The following KSR2 variants were observed in gnomAD, a reference collection of about 807,000 sequenced individuals.
KSR2 encodes the protein kinase suppressor of ras 2.
Under a neutral mutation model 107.8 loss-of-function variants are expected in KSR2, and 25 were observed. The observed-to-expected ratio is 0.23, with a 90% CI of 0.17 to 0.32. KSR2 has a LOEUF of 0.32. Ranked by LOEUF, KSR2 falls within the 10% of genes least tolerant of loss-of-function variation. The pLI is 1.00. For missense variants in KSR2, 887 were observed against 1,268.9 expected, an observed-to-expected ratio of 0.70 and a Z score of 4.57; for synonymous variants, 480 against 507.0, an observed-to-expected ratio of 0.95 and a Z score of 0.71.
intron 9 of KSR2, among the ~76,000 whole-genome samples, chr12:117,552,035 C>T (rs181529063): frequency 2.0e-5 from 3 of 152,274 alleles, no homozygotes; most frequent in East Asian, 1.9e-4. Context: ...AAGGGATGCA[C>T]AATTATTATA....
At chr12:117,552,711 G>A (rs1426735633) in intron 9 of KSR2, among the ~76,000 whole-genome samples, 1 of 152,210 alleles carries the variant, frequency 6.6e-6, no homozygotes, top group Non-Finnish European at 1.5e-5. Flanking sequence ...AATATTTTAG[G>A]CTTTGCAGGC....
At chr12:117,619,201 G>A (rs1882038213) in intron 5 of KSR2, among the ~76,000 whole-genome samples, 1 of 134,196 alleles carries the variant, frequency 7.5e-6, no homozygotes, top group Non-Finnish European at 1.7e-5. Context: ...ACAGGAAACA[G>A]TCAATTTTCT....
intron 7 of KSR2, among the ~76,000 whole-genome samples, chr12:117,564,015 C>T (rs1878293813): frequency 6.6e-6 from 1 of 152,054 alleles, no homozygotes; most frequent in Non-Finnish European, 1.5e-5. Flanking sequence ...GGATTATTAA[C>T]AGAAATTCAG....
intron 4 of KSR2, among the ~76,000 whole-genome samples, chr12:117,705,553 C>A (rs1044419569): frequency 5.9e-5 from 9 of 152,186 alleles, no homozygotes; most frequent in Admixed American, 4.6e-4. Context: ...TCCTACAGCC[C>A]CAGCCTCAAC....
chr12:117,673,976 G>A (rs537114136), intron 4 of KSR2, among the ~76,000 whole-genome samples: 9 of 152,298 alleles, frequency 5.9e-5, no homozygotes, highest in African/African-American at 2.2e-4. Context: ...CAGCAAGTCA[G>A]GGCTCCCTGA....
rs1224394859 is a variant in KSR2, at chr12:117,462,263, A to G, written c.*4936T>C. On this transcript the variant is annotated 3_prime_UTR_variant, in exon 20 of 20. Coordinates refer to ENST00000339824, the MANE Select transcript of KSR2 (RefSeq NM_173598.6). ...AAAAAAAAAAAAAAAAAAAAAAGAC[A>G]TGTTGAAGTCCTCATTCCTAGTACC... 1 of 141,232 alleles carries G rather than the reference A, an allele frequency of 7.1e-6. No homozygotes were observed. The highest frequency in any genetic ancestry group is 2.6e-5 in the African/African-American group (1 of 38,040). 8.7% of individuals were successfully genotyped at this position (141,232 alleles called of 1,614,324 possible).
intron 14 of KSR2, among the ~76,000 whole-genome samples, chr12:117,498,283 T>C (rs375352104): frequency 6.6e-6 from 1 of 152,048 alleles, no homozygotes; most frequent in East Asian, 1.9e-4. Context: ...ACTACCCCAT[T>C]CCAACTCTAG....
chr12:117,453,503 C>T lies in KSR2; in HGVS notation c.*13696G>A, dbSNP rs1374686543. 1 of 152,260 alleles carries T rather than the reference C, an allele frequency of 6.6e-6. No homozygotes were observed. Among genetic ancestry groups the T allele is most frequent in the Admixed American group, 6.6e-5 (1 of 15,234 alleles). The allele number at this position is 152,260 out of a possible 1,614,324, so 9.4% of individuals were successfully genotyped here. A position where few individuals can be genotyped will look rare whatever the true frequency, so the allele number is the denominator to read the frequency against. ...GACCATCGGTCCGCGTTGGTCTGTACAAGAATTAGTCTTTATATATATAAT... is the reference window on the plus strand; with the variant it reads ...GACCATCGGTCCGCGTTGGTCTGTATAAGAATTAGTCTTTATATATATAAT... On this transcript the variant is annotated 3_prime_UTR_variant, in exon 20 of 20. Coordinates refer to ENST00000339824, the MANE Select transcript of KSR2 (RefSeq NM_173598.6).
chr12:117,750,350 T>A (rs1294073107), intron 4 of KSR2, among the ~76,000 whole-genome samples: 1 of 151,712 alleles, frequency 6.6e-6, no homozygotes, highest in Non-Finnish European at 1.5e-5. Context: ...AATAATTATT[T>A]TATGTTATAG....
intron 7 of KSR2, among the ~76,000 whole-genome samples, chr12:117,572,980 A>T (rs1280310729): frequency 6.6e-6 from 1 of 152,216 alleles, no homozygotes; most frequent in Non-Finnish European, 1.5e-5. Context: ...CAGTTATCAG[A>T]CAATATGTGA....
intron 4 of KSR2, among the ~76,000 whole-genome samples, chr12:117,740,144 A>T (rs1161361436): frequency 6.8e-6 from 1 of 147,588 alleles, no homozygotes; most frequent in Non-Finnish European, 1.5e-5. Flanking sequence ...GCATCCTCAT[A>T]CCTTAGTTCC....
At chr12:117,497,516 C>T (rs940872494) in intron 14 of KSR2, among the ~76,000 whole-genome samples, 2 of 152,136 alleles carry the variant, frequency 1.3e-5, no homozygotes, top group Admixed American at 6.5e-5. Flanking sequence ...TTTAGGATGA[C>T]GACCATCTTT....
At chr12:117,542,858 C>T (rs1405394871) in intron 9 of KSR2, among the ~76,000 whole-genome samples, 2 of 152,184 alleles carry the variant, frequency 1.3e-5, no homozygotes, top group African/African-American at 4.8e-5. Flanking sequence ...AGTATGTAAC[C>T]TTTTCAGATT....
At chr12:117,528,797 T>G (rs1239141566) in intron 12 of KSR2, among the ~76,000 whole-genome samples, 1 of 152,206 alleles carries the variant, frequency 6.6e-6, no homozygotes, top group Non-Finnish European at 1.5e-5. Context: ...CAAGGCGTGA[T>G]TCCAGCAGCC....
chr12:117,521,999 C>A (rs1401802892), intron 14 of KSR2, among the ~76,000 whole-genome samples: 2 of 152,198 alleles, frequency 1.3e-5, no homozygotes, highest in Non-Finnish European at 1.5e-5. Context: ...CTTTGGGGCT[C>A]ATCTGGCATC....
chr12:117,860,475 G>A lies in KSR2; in HGVS notation c.181-44C>T, dbSNP rs540210971. The A allele has an allele frequency of 3.0e-5, 47 of 1,553,234 alleles. No homozygotes were observed. In the South Asian group the frequency reaches 4.1e-4, roughly 14 times the overall value. The stretch of plus-strand genomic sequence containing the variant: ...GGACAGAGGACACATCTCAGAGGCA[G>A]TGACACAAGGAAGAGAGGCGAGAAC... On this transcript the variant is annotated intron_variant, in intron 1 of 19. Transcript: ENST00000339824.
At chr12:117,691,900 A>G (rs1885829015) in intron 4 of KSR2, among the ~76,000 whole-genome samples, 1 of 152,342 alleles carries the variant, frequency 6.6e-6, no homozygotes, top group South Asian at 2.1e-4. Context: ...TAGGTGATAG[A>G]GGATTCCCCA....
intron 3 of KSR2, among the ~76,000 whole-genome samples, chr12:117,773,775 C>T (rs1214737019): frequency 6.6e-6 from 1 of 152,154 alleles, no homozygotes; most frequent in Admixed American, 6.5e-5. Context: ...AGAGACAAAA[C>T]TTTTAGACAC....
At chr12:117,665,559 G>A (rs1884626741) in intron 5 of KSR2, among the ~76,000 whole-genome samples, 1 of 152,182 alleles carries the variant, frequency 6.6e-6, no homozygotes, top group South Asian at 2.1e-4. Flanking sequence ...GGGGAAGTGG[G>A]GAGGGGAAGT....
Sources: gnomAD v4.1 joint callset for allele counts (sites outside exome capture counted in the v4.1 genomes callset) on GRCh38, gnomAD v4.1.1 for gene constraint, MANE v1.5 for transcripts, NCBI Gene and HGNC (gene_info 2026-07-23, HGNC 2026-07-21) for gene names.